The following PPFIA2 variants were observed in gnomAD, a reference collection of about 807,000 sequenced individuals.
PPFIA2 encodes the protein PPFI scaffold protein A2.
A neutral mutation model predicts 175.5 loss-of-function variants in PPFIA2; 46 were observed. The ratio of observed to expected loss-of-function variants is 0.26; its 90% CI spans 0.21 to 0.34. PPFIA2 has a LOEUF of 0.34. Ranked by LOEUF, PPFIA2 falls within the 10% of genes least tolerant of loss-of-function variation. The probability of loss-of-function intolerance (pLI) is 1.00; values close to 1 mark genes in which losing one functional copy is unlikely to be tolerated. For synonymous variants in PPFIA2, 568 were observed against 511.4 expected (o/e 1.11, Z -1.49); for missense variants, 1,179 against 1,506.1 (o/e 0.78, Z 3.60).
chr12:81,669,451 C>A (rs2071003972), intron 4 of PPFIA2, among the ~76,000 whole-genome samples: 1 of 151,822 alleles, frequency 6.6e-6, no homozygotes, highest in African/African-American at 2.4e-5. Context: ...TATTATAAAT[C>A]TTTATTCTAT....
intron 3 of PPFIA2, among the ~76,000 whole-genome samples, chr12:81,683,988 C>T (rs1167714495): frequency 6.6e-6 from 1 of 152,014 alleles, no homozygotes; most frequent in Non-Finnish European, 1.5e-5. Context: ...CCCACTCACC[C>T]CCAAGGGAGG....
intron 4 of PPFIA2, among the ~76,000 whole-genome samples, chr12:81,603,315 T>C (rs987031791): frequency 6.6e-6 from 1 of 151,826 alleles, no homozygotes; most frequent in Non-Finnish European, 1.5e-5. Flanking sequence ...TAATTGCATA[T>C]AGTAGATAAT....
At chr12:81,552,255 C>T (rs949588897) in intron 4 of PPFIA2, among the ~76,000 whole-genome samples, 4 of 151,692 alleles carry the variant, frequency 2.6e-5, no homozygotes, top group African/African-American at 9.7e-5. Context: ...AATATGTAAG[C>T]ATAGAACTCT....
chr12:81,451,149 G>A (rs539801531), intron 5 of PPFIA2, among the ~76,000 whole-genome samples: 41 of 151,692 alleles, frequency 2.7e-4, no homozygotes, highest in Middle Eastern at 6.8e-3. Flanking sequence ...ATACACACAC[G>A]CATGCATGTT....
intron 4 of PPFIA2, among the ~76,000 whole-genome samples, chr12:81,644,211 C>A (rs974196535): frequency 6.6e-6 from 1 of 151,832 alleles, no homozygotes; most frequent in East Asian, 1.9e-4. Context: ...ATAATCTATA[C>A]CTCAGTATGG....
At chr12:81,723,493 T>G (rs1470844826) in intron 3 of PPFIA2, among the ~76,000 whole-genome samples, 2 of 151,000 alleles carry the variant, frequency 1.3e-5, no homozygotes, top group African/African-American at 4.8e-5. Flanking sequence ...CTATCCATAC[T>G]GTGGTTTGGG....
chr12:81,304,030 T>C (rs1370175825), intron 22 of PPFIA2, among the ~76,000 whole-genome samples: 2 of 152,178 alleles, frequency 1.3e-5, no homozygotes, highest in East Asian at 3.9e-4. Flanking sequence ...TCTCTTGCAT[T>C]TGCATGCCAT....
intron 28 of PPFIA2, among the ~76,000 whole-genome samples, chr12:81,277,116 A>G (rs543324612): frequency 2.0e-4 from 31 of 152,234 alleles, no homozygotes; most frequent in African/African-American, 7.5e-4. Flanking sequence ...TACTCCCCAA[A>G]TGGGATATTC....
At chr12:81,379,254 C>CA (rs879927924) in intron 9 of PPFIA2, among the ~76,000 whole-genome samples, 13 of 151,334 alleles carry the variant, frequency 8.6e-5, no homozygotes, top group Non-Finnish European at 1.5e-4. Context: ...TTGCTACCTA[C>CA]AAAAAAAATG....
At chr12:81,562,573 C>A (rs577162978) in intron 4 of PPFIA2, among the ~76,000 whole-genome samples, 1 of 152,046 alleles carries the variant, frequency 6.6e-6, no homozygotes, top group Admixed American at 6.5e-5. Flanking sequence ...TGAGGCCGGG[C>A]GCGGTGGCTC....
At chr12:81,630,576 G>A (rs2063256532) in intron 4 of PPFIA2, among the ~76,000 whole-genome samples, 1 of 152,050 alleles carries the variant, frequency 6.6e-6, no homozygotes, top group South Asian at 2.1e-4. Flanking sequence ...TTTGGACTCT[G>A]ATATAATCAG....
intron 7 of PPFIA2, among the ~76,000 whole-genome samples, chr12:81,409,344 T>A (rs1460235024): frequency 6.6e-6 from 1 of 152,148 alleles, no homozygotes; most frequent in African/African-American, 2.4e-5. Flanking sequence ...TATGTTGAAA[T>A]GTAATTGCCT....
intron 9 of PPFIA2, among the ~76,000 whole-genome samples, chr12:81,381,646 T>C (rs1265200360): frequency 6.6e-6 from 1 of 152,092 alleles, no homozygotes; most frequent in Non-Finnish European, 1.5e-5. Context: ...TTAAACTGCC[T>C]TTACTTTATG....
chr12:81,537,904 C>T (rs1281507284), intron 4 of PPFIA2, among the ~76,000 whole-genome samples: 5 of 151,926 alleles, frequency 3.3e-5, no homozygotes, highest in African/African-American at 7.2e-5. Flanking sequence ...GTGCCTTCCC[C>T]GCAATCTTTT....
chr12:81,284,395 C>A, intron 24 of PPFIA2, 92 bp from the exon 25 acceptor site: 1 of 883,354 alleles, frequency 1.1e-6, no homozygotes, highest in Non-Finnish European at 1.9e-6. Flanking sequence ...TTAACAGCAA[C>A]ACAGCAATAC....
rs185566521 is a variant in PPFIA2 at position 81,572,482 on chromosome 12, C to G, written c.303+104309G>C. Among the ~76,000 whole-genome samples the G allele has an allele frequency of 2.8e-3, 427 of 152,022 alleles. 2 individuals carry two copies. The highest frequency in any genetic ancestry group is 3.8e-3 in the Non-Finnish European group (261 of 67,926). Reference sequence around the variant, plus strand: ...TATCCTTTCCCATACAGTGTAAGCTCAATTAGAACAGTCACTCTATTTGTA... The same window carrying G: ...TATCCTTTCCCATACAGTGTAAGCTGAATTAGAACAGTCACTCTATTTGTA... On this transcript the variant is annotated intron_variant, in intron 4 of 32. Coordinates refer to ENST00000549396, the MANE Select transcript of PPFIA2 (RefSeq NM_003625.5).
chr12:81,343,944 A>G (rs141276416), intron 19 of PPFIA2, among the ~76,000 whole-genome samples: 1 of 152,072 alleles, frequency 6.6e-6, no homozygotes, highest in African/African-American at 2.4e-5. Context: ...CAAACAACTC[A>G]CAGCCCATAC....
At chr12:81,419,961 G>T (rs2143647322) in intron 7 of PPFIA2, among the ~76,000 whole-genome samples, 1 of 152,238 alleles carries the variant, frequency 6.6e-6, no homozygotes, top group Non-Finnish European at 1.5e-5. Context: ...GACTTCAAAA[G>T]CTTTCATGAC....
intron 3 of PPFIA2, among the ~76,000 whole-genome samples, chr12:81,716,239 T>C (rs1040674388): frequency 1.3e-5 from 2 of 151,658 alleles, no homozygotes; most frequent in African/African-American, 4.8e-5. Context: ...CAAAATTAAT[T>C]TTACTGATTT....
Sources: allele counts gnomAD v4.1 joint callset (sites outside exome capture counted in the v4.1 genomes callset), GRCh38; gene constraint gnomAD v4.1.1; transcripts MANE v1.5; gene names NCBI Gene and HGNC (gene_info 2026-07-23, HGNC 2026-07-21).